SYN3: variants seen among roughly 807,000 people sequenced by gnomAD.
SYN3 encodes synapsin-3.
Under a neutral mutation model 65.8 loss-of-function variants are expected in SYN3, and 35 were observed. The observed-to-expected ratio is 0.53, with a 90% confidence interval of 0.41 to 0.70. SYN3 has a LOEUF of 0.70. Ranked by LOEUF, SYN3 falls within the 30% of genes least tolerant of loss-of-function variation. The pLI, the probability that SYN3 is intolerant of heterozygous loss-of-function variation, is 0.00. For missense variants in SYN3, 680 were observed against 749.0 expected (o/e 0.91, Z 1.08); for synonymous variants, 270 against 292.9 (o/e 0.92, Z 0.80).
chr22:32,585,351 C>T (rs1479234250), intron 7 of SYN3, among the ~76,000 whole-genome samples: 1 of 152,212 alleles, frequency 6.6e-6, no homozygotes, highest in East Asian at 1.9e-4. Context: ...CAGCGCCAGT[C>T]TAAGCCCAAA....
intron 12 of SYN3, chr22:32,519,370 C>T (rs1286571149): frequency 1.3e-5 from 2 of 151,790 alleles, no homozygotes; most frequent in East Asian, 3.9e-4. Context: ...GAAACAACGA[C>T]AAGAATTAAC....
chr22:32,736,125 G>A (rs1052333316), intron 6 of SYN3, among the ~76,000 whole-genome samples: 20 of 152,176 alleles, frequency 1.3e-4, no homozygotes, highest in African/African-American at 4.3e-4. Flanking sequence ...ATGCAATAAA[G>A]GCATCAGTTT....
intron 4 of SYN3, among the ~76,000 whole-genome samples, chr22:32,924,025 C>G (rs1282422366): frequency 6.6e-6 from 1 of 152,158 alleles, no homozygotes. Flanking sequence ...TGATCTCCTT[C>G]TTTTTTATGG....
At chr22:32,897,272 C>G (rs1335175472) in intron 4 of SYN3, among the ~76,000 whole-genome samples, 1 of 152,182 alleles carries the variant, frequency 6.6e-6, no homozygotes, top group Admixed American at 6.5e-5. Context: ...AAGCATGACT[C>G]TCTCTCTAAT....
chr22:32,523,653 T>C (rs1191391867), intron 12 of SYN3, among the ~76,000 whole-genome samples: 4 of 152,158 alleles, frequency 2.6e-5, no homozygotes, highest in African/African-American at 9.7e-5. Context: ...CACAACAATA[T>C]TGAAATTGGA....
chr22:32,884,686 G>A (rs1160545037), intron 4 of SYN3, among the ~76,000 whole-genome samples: 2 of 152,138 alleles, frequency 1.3e-5, no homozygotes, highest in Non-Finnish European at 2.9e-5. Context: ...AGACCATCCT[G>A]GCCAACATGG....
chr22:32,635,845 C>CT lies in SYN3; in HGVS notation c.712-39110dup. On this transcript the variant is annotated intron_variant, in intron 6 of 13. Coordinates refer to ENST00000358763, the MANE Select transcript of SYN3 (RefSeq NM_003490.4). ...GTTATTTTTGTTTTAACTGAGTTAA[C>CT]TTTTTTCTTTAAAAAGACTTAAGAA... Among the ~76,000 whole-genome samples, 2 of 152,210 alleles carry CT rather than the reference C, an allele frequency of 1.3e-5. 1 individual carries two copies. Among genetic ancestry groups the CT allele is most frequent in the South Asian group, 4.1e-4 (2 of 4,822 alleles).
intron 9 of SYN3, among the ~76,000 whole-genome samples, chr22:32,536,370 G>T (rs1405185667): frequency 6.6e-6 from 1 of 152,242 alleles, no homozygotes; most frequent in African/African-American, 2.4e-5. Context: ...CCAGGGGCTG[G>T]TTCTGGATTA....
intron 6 of SYN3, among the ~76,000 whole-genome samples, chr22:32,778,161 T>G (rs2045951912): frequency 6.6e-6 from 1 of 152,244 alleles, no homozygotes; most frequent in Non-Finnish European, 1.5e-5. Context: ...AGGAAGCAGA[T>G]AAGTCTGTGC....
At chr22:32,694,070 G>C (rs2053088750) in intron 6 of SYN3, among the ~76,000 whole-genome samples, 1 of 151,582 alleles carries the variant, frequency 6.6e-6, no homozygotes, top group African/African-American at 2.4e-5. Flanking sequence ...TGTTTTGTTT[G>C]TGAGCTATTT....
chr22:33,044,396 C>T (rs1045687067), intron 1 of SYN3, among the ~76,000 whole-genome samples: 8 of 152,042 alleles, frequency 5.3e-5, no homozygotes, highest in Admixed American at 2.0e-4. Context: ...CATGGCAGGC[C>T]CCCTGTTAAT....
chr22:32,556,566 C>T (rs996126717), intron 7 of SYN3, among the ~76,000 whole-genome samples: 2 of 152,114 alleles, frequency 1.3e-5, no homozygotes, highest in African/African-American at 4.8e-5. Context: ...GAGTCTGTGG[C>T]GCTCCAGGAC....
At chr22:33,058,090 C>A (rs937988312) in intron 1 of SYN3, among the ~76,000 whole-genome samples, 3 of 152,104 alleles carry the variant, frequency 2.0e-5, no homozygotes, top group African/African-American at 7.2e-5. Flanking sequence ...GCCCCGGCAG[C>A]GGCAGCCTGG....
intron 4 of SYN3, among the ~76,000 whole-genome samples, chr22:32,896,240 AG>A (rs1263475943): frequency 6.8e-6 from 1 of 146,240 alleles, no homozygotes; most frequent in Non-Finnish European, 1.5e-5. Flanking sequence ...GGATCACATG[AG>A]GTCAGCAGTT....
Position 32,619,144 on chromosome 22 carries a change from G to A in SYN3, c.712-22408C>T, listed in dbSNP as rs1378830352. ...AGACTCTCAGGCCCCACCCCAGACC[G>A]GCTGCTCAGATTCTGCATTTTCACA... is the stretch of plus-strand genomic sequence containing the variant. On this transcript the variant is annotated intron_variant, in intron 6 of 13. Transcript: ENST00000358763. Among the ~76,000 whole-genome samples the A allele has an allele frequency of 3.3e-5, 5 of 152,070 alleles. No individual in the cohort carries two copies. The East Asian group carries it at 5.8e-4, about 18-fold the overall frequency.
chr22:32,522,479 G>C (rs1016216751), intron 12 of SYN3, among the ~76,000 whole-genome samples: 1 of 152,126 alleles, frequency 6.6e-6, no homozygotes, highest in African/African-American at 2.4e-5. Context: ...GGGAAAGGAG[G>C]GTGTGGGGCA....
chr22:32,641,279 C>G (rs190378734), intron 6 of SYN3, among the ~76,000 whole-genome samples: 1 of 152,090 alleles, frequency 6.6e-6, no homozygotes, highest in Non-Finnish European at 1.5e-5. Flanking sequence ...GCAACTCGTA[C>G]GTGCTTCAGA....
At chr22:32,828,755 C>T (rs527802981) in intron 6 of SYN3, among the ~76,000 whole-genome samples, 3 of 152,318 alleles carry the variant, frequency 2.0e-5, no homozygotes, top group Admixed American at 6.5e-5. Flanking sequence ...TGAGCTCTTT[C>T]CTTCCCTGTG....
At chr22:33,006,290 T>G (rs2145796554) in intron 2 of SYN3, 62 bp downstream of exon 2, 1,984 of 1,447,368 alleles carry the variant, frequency 1.4e-3, no homozygotes, top group Non-Finnish European at 1.7e-3. Context: ...CCCCAGGAGA[T>G]GAGATAATCC....
Sources: allele counts gnomAD v4.1 joint callset (sites outside exome capture counted in the v4.1 genomes callset), GRCh38; gene constraint gnomAD v4.1.1; transcripts MANE v1.5; gene names NCBI Gene and HGNC (gene_info 2026-07-23, HGNC 2026-07-21).